Variants in GLIS3 observed in about 807,000 individuals in gnomAD.
GLIS3 encodes the protein GLIS family zinc finger 3, also known as zinc finger protein GLIS3.
Under a neutral mutation model 78.6 loss-of-function variants are expected in GLIS3, and 53 were observed. That is an observed-to-expected ratio of 0.67 (90% CI 0.54 to 0.85). The LOEUF (loss-of-function observed/expected upper bound fraction) is 0.85. Among genes scored for constraint, GLIS3 ranks in the 40% least tolerant of loss-of-function variants. The pLI, the probability that GLIS3 is intolerant of heterozygous loss-of-function variation, is 0.00. For synonymous variants in GLIS3, 684 were observed against 509.9 expected (o/e 1.34, Z -4.60); for missense variants, 1,703 against 1,231.1 (o/e 1.38, Z -5.74).
At chr9:3,974,029 G>A (rs768637068) in intron 4 of GLIS3, among the ~76,000 whole-genome samples, 11 of 152,072 alleles carry the variant, frequency 7.2e-5, no homozygotes, top group East Asian at 3.8e-4. Context: ...CTGTAAGTGC[G>A]AAAAATAAAT....
At chr9:4,313,748 G>A (rs1817398683) in intron 2 of GLIS3, among the ~76,000 whole-genome samples, 1 of 152,130 alleles carries the variant, frequency 6.6e-6, no homozygotes, top group Non-Finnish European at 1.5e-5. Context: ...AAGTTCCAAT[G>A]CCACCTCCTC....
chr9:4,360,273 A>G, the GLIS3 span, among the ~76,000 whole-genome samples: 2 of 152,170 alleles, frequency 1.3e-5, no homozygotes, highest in Non-Finnish European at 2.9e-5. Flanking sequence ...CCACATGTGA[A>G]GAGGAGCAGC....
intron 4 of GLIS3, among the ~76,000 whole-genome samples, chr9:4,090,981 C>A (rs889615451): frequency 6.6e-6 from 1 of 152,238 alleles, no homozygotes; most frequent in Non-Finnish European, 1.5e-5. Flanking sequence ...ATGTATTTAA[C>A]CTCTTTGTGC....
At chr9:3,974,632 G>A (rs1250229121) in intron 4 of GLIS3, among the ~76,000 whole-genome samples, 1 of 152,124 alleles carries the variant, frequency 6.6e-6, no homozygotes, top group Admixed American at 6.5e-5. Context: ...AGTACATGGG[G>A]AATATACAAT....
chr9:4,007,594 A>G (rs893432224), intron 4 of GLIS3, among the ~76,000 whole-genome samples: 2 of 152,158 alleles, frequency 1.3e-5, no homozygotes, highest in Admixed American at 1.3e-4. Flanking sequence ...AAGCCTAAAG[A>G]CACCAAAATA....
rs1415726177 is a variant in GLIS3, at chr9:4,050,252, G to A, written c.1710+67516C>T. Among the ~76,000 whole-genome samples, 3 of 152,172 alleles carry A rather than the reference G, an allele frequency of 2.0e-5. No individual in the cohort carries two copies. In the East Asian group the frequency reaches 5.8e-4, roughly 29 times the overall value. ...GAAAATGTGGCACATATACCCCATG[G>A]AATACTATGCAGCCACAGAAAAGGG... is the stretch of plus-strand genomic sequence containing the variant. On this transcript the variant is annotated intron_variant, in intron 4 of 10. Coordinates refer to ENST00000381971, the MANE Select transcript of GLIS3 (RefSeq NM_001042413.2).
intron 2 of GLIS3, among the ~76,000 whole-genome samples, chr9:4,229,491 G>C (rs1004106399): frequency 6.6e-6 from 1 of 152,202 alleles, no homozygotes; most frequent in Admixed American, 6.5e-5. Context: ...TTAAAAGATT[G>C]TAAAGGAGGG....
rs369456378 is a variant in GLIS3 at position 3,914,065 on chromosome 9, C to G, written c.1984-15230G>C. On this transcript the variant is annotated intron_variant, in intron 6 of 10. Coordinates refer to ENST00000381971, the MANE Select transcript of GLIS3 (RefSeq NM_001042413.2). ...GGCAGTTTAAGTATGCCTAAATTAT[C>G]AATTAAGAATAAAATGGTAAATAGC... is the stretch of plus-strand genomic sequence containing the variant. Among the ~76,000 whole-genome samples, 12 of 152,242 alleles carry G rather than the reference C, an allele frequency of 7.9e-5. No individual in the cohort carries two copies. The South Asian group carries it at 2.5e-3, about 32-fold the overall frequency.
At chr9:3,878,121 C>A (rs1022532330) in intron 8 of GLIS3, among the ~76,000 whole-genome samples, 3 of 152,112 alleles carry the variant, frequency 2.0e-5, no homozygotes, top group African/African-American at 7.2e-5. Context: ...GCCTGGGATG[C>A]TGTGCCCCCA....
At chr9:4,342,702 A>T (rs574364701) in intron 2 of GLIS3, among the ~76,000 whole-genome samples, 5 of 152,288 alleles carry the variant, frequency 3.3e-5, no homozygotes, top group African/African-American at 1.2e-4. Flanking sequence ...TGGCCATTTT[A>T]ACAATATTGA....
intron 4 of GLIS3, among the ~76,000 whole-genome samples, chr9:3,962,606 A>C (rs1817638774): frequency 6.6e-6 from 1 of 152,200 alleles, no homozygotes; most frequent in African/African-American, 2.4e-5. Flanking sequence ...ATAGTTTGTC[A>C]CTGATGTCAT....
At chr9:4,098,195 A>G (rs1830108644) in intron 4 of GLIS3, among the ~76,000 whole-genome samples, 1 of 152,198 alleles carries the variant, frequency 6.6e-6, no homozygotes, top group Admixed American at 6.5e-5. Flanking sequence ...AAACTTTGTA[A>G]CACGTTCTTA....
At chr9:4,319,007 G>A (rs1019949710) in intron 2 of GLIS3, among the ~76,000 whole-genome samples, 5 of 152,156 alleles carry the variant, frequency 3.3e-5, no homozygotes, top group Non-Finnish European at 5.9e-5. Context: ...AAATGATCAA[G>A]CACTCAATTG....
intron 2 of GLIS3, among the ~76,000 whole-genome samples, chr9:4,197,053 C>G (rs1818926028): frequency 6.6e-6 from 1 of 152,122 alleles, no homozygotes; most frequent in Non-Finnish European, 1.5e-5. Flanking sequence ...GCTCCATGCC[C>G]AGGCAGATCT....
chr9:4,421,357 G>C, the GLIS3 span, among the ~76,000 whole-genome samples: 5 of 152,312 alleles, frequency 3.3e-5, no homozygotes, highest in South Asian at 1.0e-3. Flanking sequence ...TCAAGCAAAA[G>C]ACATTGGCTA....
the GLIS3 span, among the ~76,000 whole-genome samples, chr9:4,412,331 A>C: frequency 6.6e-6 from 1 of 152,210 alleles, no homozygotes; most frequent in Admixed American, 6.5e-5. Context: ...AGTGGACTAA[A>C]AGTTACCTTA....
chr9:4,372,029 T>G, the GLIS3 span, among the ~76,000 whole-genome samples: 9 of 152,284 alleles, frequency 5.9e-5, no homozygotes, highest in Middle Eastern at 3.4e-3. Context: ...TGGTCTTGGG[T>G]CTTGCCCCCT....
At chr9:4,466,124 G>GCAT in the GLIS3 span, among the ~76,000 whole-genome samples, 2 of 152,090 alleles carry the variant, frequency 1.3e-5, no homozygotes, top group Admixed American at 1.3e-4. Flanking sequence ...GAAAGAAAAG[G>GCAT]CATCAGTGCA....
At chr9:4,427,954 A>C in the GLIS3 span, among the ~76,000 whole-genome samples, 1 of 152,080 alleles carries the variant, frequency 6.6e-6, no homozygotes, top group East Asian at 1.9e-4. Context: ...GAGTTGACAT[A>C]AACAGGCCCC....
Sources: gnomAD v4.1 joint callset for allele counts (sites outside exome capture counted in the v4.1 genomes callset) on GRCh38, gnomAD v4.1.1 for gene constraint, MANE v1.5 for transcripts, NCBI Gene and HGNC (gene_info 2026-07-23, HGNC 2026-07-21) for gene names.